RARB: variants seen among roughly 807,000 people sequenced by gnomAD.
The protein encoded by RARB is HBV-activated protein.
In RARB, 17 loss-of-function variants were observed where a neutral mutation model predicts 51.9. That is an observed-to-expected ratio of 0.33 (90% CI 0.22 to 0.49). The LOEUF is 0.49. Ranked by LOEUF, RARB falls within the 20% of genes least tolerant of loss-of-function variation. The probability of loss-of-function intolerance (pLI) is 0.99; values close to 1 mark genes in which losing one functional copy is unlikely to be tolerated. For synonymous variants in RARB, 215 were observed against 195.4 expected, an observed-to-expected ratio of 1.10 and a Z score of -0.84; for missense variants, 369 against 550.8, an observed-to-expected ratio of 0.67 and a Z score of 3.30.
chr3:25,439,642 C>T (rs1708577129), intron 1 of RARB, among the ~76,000 whole-genome samples: 1 of 152,194 alleles, frequency 6.6e-6, no homozygotes, highest in South Asian at 2.1e-4. Flanking sequence ...AAGCAATCTG[C>T]TTGCCTTGGC....
intron 2 of RARB, chr3:25,025,214 C>G (rs1697722472): frequency 6.6e-6 from 1 of 152,160 alleles, no homozygotes; most frequent in Non-Finnish European, 1.5e-5. Flanking sequence ...TTTTCATCTA[C>G]ATAGCACTTC....
chr3:24,971,232 G>A (rs1025572258), intron 2 of RARB, among the ~76,000 whole-genome samples: 1 of 151,842 alleles, frequency 6.6e-6, no homozygotes, highest in Non-Finnish European at 1.5e-5. Context: ...TCTATGAAAT[G>A]GTTACCATTA....
At chr3:25,226,094 A>C (rs1001067525) in intron 5 of RARB, among the ~76,000 whole-genome samples, 1 of 152,226 alleles carries the variant, frequency 6.6e-6, no homozygotes, top group Non-Finnish European at 1.5e-5. Context: ...TCAGTGTTAC[A>C]GGATGCATAA....
intron 2 of RARB, among the ~76,000 whole-genome samples, chr3:24,962,511 A>C (rs914024237): frequency 3.8e-4 from 58 of 152,342 alleles, no homozygotes; most frequent in Middle Eastern, 3.4e-3. Flanking sequence ...CCCGGGCCAC[A>C]GACCGATACC....
intron 5 of RARB, among the ~76,000 whole-genome samples, chr3:25,262,238 GC>G (rs1430686838): frequency 2.6e-5 from 4 of 152,082 alleles, no homozygotes; most frequent in African/African-American, 9.7e-5. Context: ...CAGAGTGAGT[GC>G]CCTCACTACA....
chr3:25,470,431 T>G (rs1695628710), intron 2 of RARB, among the ~76,000 whole-genome samples: 1 of 151,596 alleles, frequency 6.6e-6, no homozygotes, highest in African/African-American at 2.4e-5. Flanking sequence ...AGAGAAGGAG[T>G]CTCGGATCCC....
chr3:25,324,313 G>T, intron 5 of RARB: 1 of 171,856 alleles, frequency 5.8e-6, no homozygotes, highest in Non-Finnish European at 1.3e-5. Flanking sequence ...TCATCCTCAA[G>T]GAGGGCAAGC....
chr3:25,078,640 G>C (rs989194343), intron 3 of RARB, among the ~76,000 whole-genome samples: 4 of 151,452 alleles, frequency 2.6e-5, no homozygotes, highest in African/African-American at 9.7e-5. Flanking sequence ...ATGTTCAAGC[G>C]ATTCTCCTGC....
intron 5 of RARB, among the ~76,000 whole-genome samples, chr3:25,335,511 G>A (rs1483308495): frequency 6.6e-6 from 1 of 152,116 alleles, no homozygotes. Context: ...GTGCATATCA[G>A]GCCAGGTTTG....
At chr3:25,519,128 G>T (rs759854621) in intron 3 of RARB, among the ~76,000 whole-genome samples, 1 of 152,120 alleles carries the variant, frequency 6.6e-6, no homozygotes, top group Non-Finnish European at 1.5e-5. Context: ...TGCTCCTTCT[G>T]TTACTGAGTA....
chr3:24,972,989 A>G (rs1432266906), intron 2 of RARB, among the ~76,000 whole-genome samples: 3 of 151,856 alleles, frequency 2.0e-5, no homozygotes, highest in South Asian at 2.1e-4. Flanking sequence ...TCTAAGTCCC[A>G]TTTGTCCATT....
At chr3:25,178,631 G>A (rs562532692) in intron 5 of RARB, among the ~76,000 whole-genome samples, 2 of 152,134 alleles carry the variant, frequency 1.3e-5, no homozygotes, top group East Asian at 1.9e-4. Flanking sequence ...TTTTTTCCAC[G>A]ATGTTCCAGG....
chr3:25,596,811 C>A lies in RARB; in HGVS notation c.*195C>A. ...ACTTACCTAGAAATACAAACTTTTCCAATTTTAAAAAATCAGCCATTTCAT... is the reference window on the plus strand; with the variant it reads ...ACTTACCTAGAAATACAAACTTTTCAAATTTTAAAAAATCAGCCATTTCAT... On this transcript the variant is annotated 3_prime_UTR_variant, in exon 8 of 8. Transcript: ENST00000330688. 2.3e-6 allele frequency: 1 copy of A among 428,178 alleles called. No homozygotes were observed. Among genetic ancestry groups the A allele is most frequent in the Non-Finnish European group, 4.0e-6 (1 of 251,082 alleles). The allele number at this position is 428,178 out of a possible 1,614,324, so 26.5% of individuals were successfully genotyped here. A position where few individuals can be genotyped will look rare whatever the true frequency, so the allele number is the denominator to read the frequency against.
At chr3:25,385,041 G>A (rs1706751790) in intron 5 of RARB, among the ~76,000 whole-genome samples, 1 of 152,060 alleles carries the variant, frequency 6.6e-6, no homozygotes, top group Admixed American at 6.6e-5. Flanking sequence ...TACCCCCATG[G>A]CCGTAGTAGA....
intron 2 of RARB, among the ~76,000 whole-genome samples, chr3:25,042,655 C>T (rs927606662): frequency 6.6e-6 from 1 of 152,158 alleles, no homozygotes; most frequent in African/African-American, 2.4e-5. Context: ...TTGATGGGCA[C>T]TGAATAATAC....
At chr3:25,064,416 A>T (rs184501134) in intron 3 of RARB, among the ~76,000 whole-genome samples, 2 of 152,312 alleles carry the variant, frequency 1.3e-5, no homozygotes, top group East Asian at 3.9e-4. Flanking sequence ...TGACATCAGC[A>T]ATCAAAAATA....
intron 2 of RARB, among the ~76,000 whole-genome samples, chr3:24,958,966 G>A (rs564522402): frequency 1.3e-4 from 20 of 152,290 alleles, no homozygotes; most frequent in East Asian, 1.9e-4. Context: ...CAGGTGAGCC[G>A]GTGCAGGAGG....
At chr3:25,314,935 T>C (rs1704384775) in intron 5 of RARB, among the ~76,000 whole-genome samples, 1 of 152,194 alleles carries the variant, frequency 6.6e-6, no homozygotes, top group South Asian at 2.1e-4. Context: ...TATGAGAACA[T>C]GGATGTAGCT....
In RARB at chr3:24,859,823, C is replaced by G. The variant is rs191578034; in HGVS notation, c.-380+1071C>G. 2.1e-4 allele frequency among the ~76,000 whole-genome samples: 32 copies of G among 152,210 alleles called. No individual in the cohort carries two copies. In the East Asian group the frequency reaches 5.2e-3, roughly 25 times the overall value. On this transcript the variant is annotated intron_variant, in intron 2 of 11. Coordinates refer to the RARB transcript ENST00000383772. Reference sequence around the variant, plus strand: ...TCTGCCATTGTAGCAATAAAGCAGCCCTGGATAAGATGCAAAGGAGTATGG... The same window carrying G: ...TCTGCCATTGTAGCAATAAAGCAGCGCTGGATAAGATGCAAAGGAGTATGG...
Sources: allele counts gnomAD v4.1 joint callset (sites outside exome capture counted in the v4.1 genomes callset), GRCh38; gene constraint gnomAD v4.1.1; transcripts MANE v1.5; gene names NCBI Gene and HGNC (gene_info 2026-07-23, HGNC 2026-07-21).